FHIT: variants seen among roughly 807,000 people sequenced by gnomAD.
FHIT encodes the protein bis(5'-adenosyl)-triphosphatase.
FHIT carries 19 observed loss-of-function variants against 17.9 expected under a neutral mutation model. The observed-to-expected ratio is 1.06, with a 90% CI of 0.74 to 1.56. FHIT has a LOEUF of 1.56. FHIT is among the 40% of genes most tolerant of loss of function. The pLI, the probability that FHIT is intolerant of heterozygous loss-of-function variation, is 0.00. For missense variants in FHIT, 248 were observed against 189.2 expected, an observed-to-expected ratio of 1.31 and a Z score of -1.82; for synonymous variants, 81 against 69.7, an observed-to-expected ratio of 1.16 and a Z score of -0.81.
intron 5 of FHIT, among the ~76,000 whole-genome samples, chr3:60,341,349 T>C (rs1312671783): frequency 1.3e-5 from 2 of 152,124 alleles, no homozygotes; most frequent in East Asian, 1.9e-4. Context: ...ATTGAGTAAA[T>C]AAAAACTGAG....
chr3:60,394,854 A>G (rs1701372205), intron 5 of FHIT, among the ~76,000 whole-genome samples: 1 of 152,160 alleles, frequency 6.6e-6, no homozygotes, highest in Non-Finnish European at 1.5e-5. Context: ...AGTGGCTGAG[A>G]GTTCATCTGC....
At chr3:59,936,837 G>C (rs1706266271) in intron 7 of FHIT, among the ~76,000 whole-genome samples, 1 of 152,118 alleles carries the variant, frequency 6.6e-6, no homozygotes, top group Non-Finnish European at 1.5e-5. Flanking sequence ...TGTGGTTTTT[G>C]CCTCTAAGAT....
At chr3:60,103,594 C>T (rs1473334066) in intron 5 of FHIT, among the ~76,000 whole-genome samples, 1 of 152,126 alleles carries the variant, frequency 6.6e-6, no homozygotes, top group Admixed American at 6.5e-5. Flanking sequence ...TTTGCTCAGA[C>T]ACATTGCAGC....
At chr3:60,682,757 A>C (rs1365340598) in intron 4 of FHIT, among the ~76,000 whole-genome samples, 2 of 152,186 alleles carry the variant, frequency 1.3e-5, no homozygotes, top group African/African-American at 4.8e-5. Flanking sequence ...TTTGACTTTC[A>C]AGTCTCATTA....
At chr3:60,195,476 C>G (rs566869198) in intron 5 of FHIT, among the ~76,000 whole-genome samples, 1 of 149,162 alleles carries the variant, frequency 6.7e-6, no homozygotes, top group Non-Finnish European at 1.5e-5. Context: ...TATTGCAACA[C>G]AGTTCACAAT....
chr3:61,065,392 T>A (rs1176925670), intron 2 of FHIT, among the ~76,000 whole-genome samples: 1 of 152,162 alleles, frequency 6.6e-6, no homozygotes, highest in African/African-American at 2.4e-5. Flanking sequence ...TTCATAATGA[T>A]CTAAGTGTTT....
In FHIT at chr3:61,006,645, C is replaced by T. The variant is rs79487728; in HGVS notation, c.-111+35402G>A. ...TTTACAATTAACTGCATTTGGAGAA[C>T]TGCATCACACTTTTAAATAAAATAT... On this transcript the variant is annotated intron_variant, in intron 3 of 9. Coordinates refer to ENST00000492590, the MANE Select transcript of FHIT (RefSeq NM_002012.4). Among the ~76,000 whole-genome samples, 1,150 of 149,698 alleles carry T rather than the reference C, an allele frequency of 7.7e-3. 19 individuals carry two copies. Among genetic ancestry groups the T allele is most frequent in the African/African-American group, 0.027 (1,085 of 40,626 alleles).
In FHIT at chr3:61,251,445, C is replaced by CGG. The variant is rs1335411993; in HGVS notation, c.-359_-358dup. ...AGTCCTGTGACCGGACAGAGCAGAG[C>CGG]GGGGACTGCAATTCCCAGAAGACCC... is the stretch of plus-strand genomic sequence containing the variant. On this transcript the variant is annotated 5_prime_UTR_variant, in exon 1 of 10. Coordinates refer to ENST00000492590, the MANE Select transcript of FHIT (RefSeq NM_002012.4). 6.6e-6 allele frequency: 1 copy of CGG among 152,396 alleles called. No individual in the cohort carries two copies. Among genetic ancestry groups the CGG allele is most frequent in the Non-Finnish European group, 1.5e-5 (1 of 68,198 alleles). The allele number at this position is 152,396 out of a possible 1,614,324, so 9.4% of individuals were successfully genotyped here.
At chr3:59,886,674 T>C (rs971843124) in intron 8 of FHIT, among the ~76,000 whole-genome samples, 13 of 152,076 alleles carry the variant, frequency 8.5e-5, no homozygotes, top group Non-Finnish European at 7.4e-5. Context: ...AGAGAGGTCA[T>C]TAATCTATTC....
Position 61,128,193 on chromosome 3 carries a change from C to T in FHIT, c.-164+72424G>A, listed in dbSNP as rs148806481. Among the ~76,000 whole-genome samples the T allele has an allele frequency of 5.9e-5, 9 of 152,180 alleles. No homozygotes were observed. In the East Asian group the frequency reaches 1.7e-3, roughly 29 times the overall value. Reference sequence around the variant, plus strand: ...GAAAAAAGAAAGAGATAAACTCCAGCTGAAAACATAAAGACCACATAGGAC... The same window carrying T: ...GAAAAAAGAAAGAGATAAACTCCAGTTGAAAACATAAAGACCACATAGGAC... On this transcript the variant is annotated intron_variant, in intron 2 of 9. Coordinates refer to ENST00000492590, the MANE Select transcript of FHIT (RefSeq NM_002012.4).
intron 5 of FHIT, among the ~76,000 whole-genome samples, chr3:60,376,080 T>C (rs993995175): frequency 2.0e-5 from 3 of 152,214 alleles, no homozygotes; most frequent in Non-Finnish European, 2.9e-5. Context: ...TCATATTCTG[T>C]GTGTCCCCTT....
chr3:60,410,167 TAG>T (rs1353055087), intron 5 of FHIT, among the ~76,000 whole-genome samples: 1 of 152,184 alleles, frequency 6.6e-6, no homozygotes, highest in African/African-American at 2.4e-5. Context: ...TGGCTGCATC[TAG>T]AGAGAGGCAA....
At chr3:59,901,620 T>C (rs989358129) in intron 8 of FHIT, among the ~76,000 whole-genome samples, 2 of 152,114 alleles carry the variant, frequency 1.3e-5, no homozygotes. Flanking sequence ...TAATAAAAAG[T>C]TACAAAATAA....
chr3:60,588,200 T>G (rs1553662808), intron 4 of FHIT, among the ~76,000 whole-genome samples: 2 of 152,084 alleles, frequency 1.3e-5, no homozygotes, highest in Admixed American at 1.3e-4. Flanking sequence ...GGAAGGGCCA[T>G]TCTCTCAGCC....
Position 60,926,997 on chromosome 3 carries a change from C to A in FHIT, c.-110-104986G>T, listed in dbSNP as rs573583542. Among the ~76,000 whole-genome samples the A allele has an allele frequency of 6.1e-4, 93 of 152,292 alleles. 2 individuals are homozygous for A. Among genetic ancestry groups the A allele is most frequent in the South Asian group, 3.3e-3 (16 of 4,828 alleles). On this transcript the variant is annotated intron_variant, in intron 3 of 9. Coordinates refer to ENST00000492590, the MANE Select transcript of FHIT (RefSeq NM_002012.4). ...TTTCATCTCCGTCTCCCGCTTTCCACGGTGCCCCCCTCCCTCGTCTCCGTC... is the reference window on the plus strand; with the variant it reads ...TTTCATCTCCGTCTCCCGCTTTCCAAGGTGCCCCCCTCCCTCGTCTCCGTC...
At chr3:60,909,492 T>C (rs1706616300) in intron 3 of FHIT, among the ~76,000 whole-genome samples, 1 of 152,142 alleles carries the variant, frequency 6.6e-6, no homozygotes, top group African/African-American at 2.4e-5. Context: ...TATAATGCAG[T>C]ATTGTGATGT....
intron 7 of FHIT, among the ~76,000 whole-genome samples, chr3:59,998,396 T>C (rs906816152): frequency 2.0e-5 from 3 of 152,010 alleles, no homozygotes; most frequent in African/African-American, 7.2e-5. Flanking sequence ...ATGGAGCAAA[T>C]ATTGCCTAGT....
intron 4 of FHIT, among the ~76,000 whole-genome samples, chr3:60,624,900 TTTTTTTG>T (rs1191194173): frequency 7.5e-5 from 4 of 53,290 alleles, no homozygotes; most frequent in Non-Finnish European, 1.5e-4. Flanking sequence ...TTCTAGTTTT[TTTTTTTG>T]TTTGTTTGTT....
At chr3:60,037,676 C>A (rs1351821281) in intron 5 of FHIT, among the ~76,000 whole-genome samples, 1 of 151,784 alleles carries the variant, frequency 6.6e-6, no homozygotes, top group African/African-American at 2.4e-5. Context: ...GCCACTGCAC[C>A]CGGCCTAAAA....
Sources: allele counts gnomAD v4.1 joint callset (sites outside exome capture counted in the v4.1 genomes callset), GRCh38; gene constraint gnomAD v4.1.1; transcripts MANE v1.5; gene names NCBI Gene and HGNC (gene_info 2026-07-23, HGNC 2026-07-21).